JMJD1C: variants seen among roughly 807,000 people sequenced by gnomAD.
The protein encoded by JMJD1C is jumonji domain containing 1C.
In JMJD1C, 31 loss-of-function variants were observed where a neutral mutation model predicts 245.3. The ratio of observed to expected loss-of-function variants is 0.13; its 90% CI spans 0.09 to 0.17. The LOEUF is 0.17. Among genes scored for constraint, JMJD1C ranks in the 10% least tolerant of loss-of-function variants. The pLI is 1.00. For missense variants in JMJD1C, 2,691 were observed against 3,000.2 expected, an observed-to-expected ratio of 0.90 and a Z score of 2.41; for synonymous variants, 1,057 against 1,017.4, an observed-to-expected ratio of 1.04 and a Z score of -0.74.
intron 2 of JMJD1C, among the ~76,000 whole-genome samples, chr10:63,277,770 C>G (rs1856965333): frequency 1.1e-5 from 1 of 93,002 alleles, no homozygotes; most frequent in South Asian, 3.3e-4. Context: ...CAGAGTCTTG[C>G]TCTGTCTCCC....
At chr10:63,481,152 T>C (rs183183131) in intron 1 of JMJD1C, among the ~76,000 whole-genome samples, 64 of 152,328 alleles carry the variant, frequency 4.2e-4, no homozygotes, top group African/African-American at 1.5e-3. Flanking sequence ...AGGAACTAAA[T>C]AGGATTTCCT....
chr10:63,380,585 T>C, intron 1 of JMJD1C, 103 bp from the exon 2 acceptor site: 1 of 811,092 alleles, frequency 1.2e-6, no homozygotes, highest in Non-Finnish European at 1.9e-6. Flanking sequence ...GTACATATGA[T>C]ATCGTGATAC....
At chr10:63,227,581 G>A (rs1254566545) in intron 3 of JMJD1C, among the ~76,000 whole-genome samples, 1 of 152,176 alleles carries the variant, frequency 6.6e-6, no homozygotes, top group Non-Finnish European at 1.5e-5. Flanking sequence ...ATACTGATAT[G>A]TGTGGCTTAT....
intron 2 of JMJD1C, among the ~76,000 whole-genome samples, chr10:63,377,549 A>G (rs1450674167): frequency 6.6e-6 from 1 of 152,096 alleles, no homozygotes; most frequent in Non-Finnish European, 1.5e-5. Flanking sequence ...CCTGGCCAAT[A>G]TGTTGAAAAA....
At chr10:63,404,182 C>G (rs1288694308) in intron 1 of JMJD1C, among the ~76,000 whole-genome samples, 1 of 151,954 alleles carries the variant, frequency 6.6e-6, no homozygotes, top group Non-Finnish European at 1.5e-5. Flanking sequence ...ATATTTGTCA[C>G]CATGATCAAG....
chr10:63,430,904 C>T (rs1004550478), intron 1 of JMJD1C, among the ~76,000 whole-genome samples: 6 of 152,072 alleles, frequency 3.9e-5, no homozygotes, highest in African/African-American at 1.2e-4. Flanking sequence ...AACACCATAC[C>T]GGCTAATTTT....
chr10:63,236,119 C>G (rs190817326), intron 3 of JMJD1C, among the ~76,000 whole-genome samples: 1 of 152,122 alleles, frequency 6.6e-6, no homozygotes, highest in Non-Finnish European at 1.5e-5. Flanking sequence ...AACTGTGTAT[C>G]TTGCTTTATC....
chr10:63,335,941 T>A (rs940431608), intron 2 of JMJD1C, among the ~76,000 whole-genome samples: 1 of 151,068 alleles, frequency 6.6e-6, no homozygotes, highest in Non-Finnish European at 1.5e-5. Context: ...GGCAACATGG[T>A]GAAAACCCAT....
At position 63,473,337 on chromosome 10, in the gene JMJD1C, G is replaced by A. The variant is rs192424165; in HGVS notation, n.113+48401C>T. 2.6e-3 allele frequency among the ~76,000 whole-genome samples: 400 copies of A among 151,442 alleles called. 2 individuals carry two copies. The Middle Eastern group carries it at 0.031, about 12-fold the overall frequency. ...CTTGGCTCACTGCAACCTCTGCCTC[G>A]GAAGTTCAAGCAGTTCTCCTGCCTC... On this transcript the variant is annotated intron_variant and non_coding_transcript_variant, in intron 1 of 3. Coordinates refer to the JMJD1C transcript ENST00000633035.
intron 1 of JMJD1C, among the ~76,000 whole-genome samples, chr10:63,441,570 T>C (rs1463153069): frequency 1.3e-5 from 2 of 152,208 alleles, no homozygotes; most frequent in East Asian, 3.8e-4. Flanking sequence ...CATTAGATCA[T>C]AAGTCCTTCT....
At chr10:63,289,386 T>C (rs554975496) in intron 2 of JMJD1C, among the ~76,000 whole-genome samples, 3 of 152,318 alleles carry the variant, frequency 2.0e-5, no homozygotes, top group South Asian at 4.1e-4. Context: ...AGGCACATGA[T>C]AAAAACTACT....
chr10:63,333,228 A>G (rs1942349960), intron 2 of JMJD1C, among the ~76,000 whole-genome samples: 1 of 152,206 alleles, frequency 6.6e-6, no homozygotes, highest in Non-Finnish European at 1.5e-5. Flanking sequence ...GCTTCTTAAG[A>G]AAAACAATAT....
Position 63,427,639 on chromosome 10 carries a change from T to C in JMJD1C, c.168+37856A>G, listed in dbSNP as rs1950518732. 9 of 1,347,714 alleles carry C rather than the reference T, an allele frequency of 6.7e-6. No individual in the cohort carries two copies. In the Admixed American group the frequency reaches 6.8e-5, roughly 10 times the overall value. The allele number at this position is 1,347,714 out of a possible 1,614,324, so 83.5% of individuals were successfully genotyped here. A position where few individuals can be genotyped will look rare whatever the true frequency, so the allele number is the denominator to read the frequency against. On this transcript the variant is annotated intron_variant, in intron 1 of 25. Transcript: ENST00000399262. ...GGTGGTGGAGAAACAGTGTGTTTAC[T>C]GTATGAACTCTAACAACAGTGGCTG...
chr10:63,269,534 G>A (rs1349512756), intron 2 of JMJD1C, among the ~76,000 whole-genome samples: 3 of 151,952 alleles, frequency 2.0e-5, no homozygotes, highest in Admixed American at 6.6e-5. Flanking sequence ...CTCTCAAGTT[G>A]GTAAAAATAA....
intron 1 of JMJD1C, among the ~76,000 whole-genome samples, chr10:63,386,465 A>C (rs1467577277): frequency 6.6e-6 from 1 of 152,170 alleles, no homozygotes; most frequent in Non-Finnish European, 1.5e-5. Context: ...CTGCACAAAC[A>C]ATCAGGGAAC....
At chr10:63,230,744 C>T (rs549271609) in intron 3 of JMJD1C, among the ~76,000 whole-genome samples, 1 of 151,690 alleles carries the variant, frequency 6.6e-6, no homozygotes, top group East Asian at 1.9e-4. Flanking sequence ...TACTGTACTC[C>T]AGCCTAGGTG....
intron 2 of JMJD1C, among the ~76,000 whole-genome samples, chr10:63,343,060 T>C (rs1240386119): frequency 2.0e-5 from 3 of 152,082 alleles, no homozygotes; most frequent in Non-Finnish European, 4.4e-5. Context: ...TCAACCTGCA[T>C]TAAAAAAATA....
rs747081047 is a variant in JMJD1C at position 63,214,713 on chromosome 10, A to T, written c.1454T>A (p.Met485Lys). Residue 485 changes from methionine to lysine, a missense_variant, in exon 8 of 26, where the codon ATG becomes AAG. Physicochemically the swap from Met to Lys is moderately conservative, Grantham distance 95 (BLOSUM62 -1). This residue lies in a region of JMJD1C where 1,562 missense variants were observed against 1,490.7 expected (regional missense o/e 1.05). Coordinates refer to ENST00000399262, the MANE Select transcript of JMJD1C (RefSeq NM_032776.3). ...SNDLLPQECN[M>K]DKTHTMELLP... ...CAATTCCATGGTATGTGTTTTATCC[A>T]TATTGCATTCCTGAGGAAGTAAATC... The T allele has an allele frequency of 5.6e-6, 9 of 1,614,014 alleles. No individual in the cohort carries two copies. The highest frequency in any genetic ancestry group is 7.6e-6 in the Non-Finnish European group (9 of 1,179,930).
intron 1 of JMJD1C, among the ~76,000 whole-genome samples, chr10:63,383,676 C>T (rs1185451285): frequency 6.6e-6 from 1 of 152,068 alleles, no homozygotes; most frequent in East Asian, 1.9e-4. Flanking sequence ...CTGCAGCCTA[C>T]GTGACAGAGC....
Sources: gnomAD v4.1 joint callset for allele counts (sites outside exome capture counted in the v4.1 genomes callset) on GRCh38, gnomAD v4.1.1 for gene constraint, gnomAD v4.1.1 regional missense constraint, MANE v1.5 for transcripts, NCBI Gene and HGNC (gene_info 2026-07-23, HGNC 2026-07-21) for gene names.